The following PLEK variants were observed in gnomAD, a reference collection of about 807,000 sequenced individuals.
PLEK encodes the protein pleckstrin.
In PLEK, 25 loss-of-function variants were observed where a neutral mutation model predicts 43.9. The observed-to-expected ratio is 0.57, with a 90% CI of 0.41 to 0.79. PLEK has a LOEUF of 0.79. Among genes scored for constraint, PLEK ranks in the 30% least tolerant of loss-of-function variants. The pLI, the probability that PLEK is intolerant of heterozygous loss-of-function variation, is 0.00. For synonymous variants in PLEK, 152 were observed against 144.4 expected, an observed-to-expected ratio of 1.05 and a Z score of -0.38; for missense variants, 396 against 413.3, an observed-to-expected ratio of 0.96 and a Z score of 0.36.
intron 1 of PLEK, among the ~76,000 whole-genome samples, chr2:68,368,088 A>G (rs1033243847): frequency 2.0e-5 from 3 of 152,192 alleles, no homozygotes; most frequent in Non-Finnish European, 4.4e-5. Context: ...TCTGTGCAAG[A>G]TGACTGTTGA....
At chr2:68,377,739 G>T (rs1011812879) in intron 1 of PLEK, among the ~76,000 whole-genome samples, 3 of 152,118 alleles carry the variant, frequency 2.0e-5, no homozygotes, top group Non-Finnish European at 4.4e-5. Flanking sequence ...TCACTTCGTT[G>T]CCTGTTTCCT....
At chr2:68,371,085 C>T (rs1056789546) in intron 1 of PLEK, among the ~76,000 whole-genome samples, 1 of 152,128 alleles carries the variant, frequency 6.6e-6, no homozygotes, top group African/African-American at 2.4e-5. Context: ...GGACAGCAGG[C>T]ACCTTGGAAT....
In PLEK at chr2:68,380,706, T is replaced by C. The variant is rs772540380; in HGVS notation, c.199-17T>C. ...TTGAAATAAGCCATTTCTAATGGGA[T>C]GTGTTTTGATTTTCAGTTTGTGTTT... is the stretch of plus-strand genomic sequence containing the variant. On this transcript the variant is annotated splice_polypyrimidine_tract_variant and intron_variant, in intron 2 of 8. Transcript: ENST00000234313. 3 of 1,610,420 alleles carry C rather than the reference T, an allele frequency of 1.9e-6. No homozygotes were observed. In the East Asian group the frequency reaches 6.7e-5, roughly 36 times the overall value.
At chr2:68,392,432 A>G (rs972094772) in intron 6 of PLEK, among the ~76,000 whole-genome samples, 6 of 152,126 alleles carry the variant, frequency 3.9e-5, no homozygotes, top group Non-Finnish European at 7.3e-5. Context: ...TTAAAATGTA[A>G]TTGTAATTCT....
intron 1 of PLEK, among the ~76,000 whole-genome samples, chr2:68,378,720 A>T (rs566142555): frequency 1.3e-5 from 2 of 152,332 alleles, no homozygotes; most frequent in South Asian, 4.1e-4. Flanking sequence ...ATCTTATCCA[A>T]ATTATTTCAT....
chr2:68,378,074 C>T (rs1057223289), intron 1 of PLEK, among the ~76,000 whole-genome samples: 1 of 152,150 alleles, frequency 6.6e-6, no homozygotes, highest in Non-Finnish European at 1.5e-5. Flanking sequence ...GATATATACA[C>T]TGTATAATGT....
At chr2:68,380,589 C>T (rs2103770789) in intron 2 of PLEK, 106 bp downstream of exon 2, 2 of 1,394,026 alleles carry the variant, frequency 1.4e-6, no homozygotes, top group African/African-American at 1.4e-5. Context: ...GTCCCTCTCA[C>T]CACCACCCAC....
chr2:68,379,516 A>G (rs1673570446), intron 1 of PLEK, among the ~76,000 whole-genome samples: 2 of 152,186 alleles, frequency 1.3e-5, no homozygotes, highest in South Asian at 4.1e-4. Flanking sequence ...ACTTCAAAAA[A>G]AGAAAGAACT....
Position 68,382,496 on chromosome 2 carries a change from G to GT in PLEK, c.381-37dup, listed in dbSNP as rs763061886. 1,563 of 1,147,530 alleles carry GT rather than the reference G, an allele frequency of 1.4e-3. 1 individual carries two copies. Among genetic ancestry groups the GT allele is most frequent in the African/African-American group, 4.9e-3 (314 of 64,344 alleles). The allele number at this position is 1,147,530 out of a possible 1,614,324, so 71.1% of individuals were successfully genotyped here. On this transcript the variant is annotated intron_variant, in intron 3 of 8. Transcript: ENST00000234313. ...AAATGTTCCCCACTCATCCAACTGG[G>GT]TTTTTTTTTGTTTGTTTGTTTGTTT...
intron 1 of PLEK, among the ~76,000 whole-genome samples, chr2:68,378,738 G>A (rs1006829997): frequency 1.3e-5 from 2 of 152,162 alleles, no homozygotes; most frequent in Non-Finnish European, 2.9e-5. Flanking sequence ...CATTTCATAT[G>A]TTCTAGAAAT....
chr2:68,382,516 TTGTTTGCTTTTTTATCTCTG>T lies in PLEK; in HGVS notation c.381-23_381-4del, dbSNP rs1558498870. 1 of 1,346,764 alleles carries T rather than the reference TTGTTTGCTTTTTTATCTCTG, an allele frequency of 7.4e-7. No individual in the cohort carries two copies. Among genetic ancestry groups the T allele is most frequent in the South Asian group, 1.2e-5 (1 of 82,940 alleles). 83.4% of individuals were successfully genotyped at this position (1,346,764 alleles called of 1,614,324 possible). On this transcript the variant is annotated splice_polypyrimidine_tract_variant and splice_region_variant and intron_variant, in intron 3 of 8. Coordinates refer to ENST00000234313, the MANE Select transcript of PLEK (RefSeq NM_002664.3). The stretch of plus-strand genomic sequence containing the variant: ...ACTGGGTTTTTTTTTGTTTGTTTGT[TTGTTTGCTTTTTTATCTCTG>T]TGCAGTGCCTTATATTTGTCCATGA...
chr2:68,376,897 C>G (rs1048783165), intron 1 of PLEK, among the ~76,000 whole-genome samples: 1 of 152,042 alleles, frequency 6.6e-6, no homozygotes, highest in Non-Finnish European at 1.5e-5. Context: ...ACCCATTAAC[C>G]ATCCCCACCT....
chr2:68,373,341 G>T (rs1673444813), intron 1 of PLEK, among the ~76,000 whole-genome samples: 1 of 152,072 alleles, frequency 6.6e-6, no homozygotes, highest in Non-Finnish European at 1.5e-5. Flanking sequence ...TAATGACCCT[G>T]AATCCCAAAT....
intron 4 of PLEK, among the ~76,000 whole-genome samples, chr2:68,384,686 T>C (rs1182385258): frequency 2.0e-5 from 3 of 152,174 alleles, no homozygotes; most frequent in East Asian, 3.8e-4. Context: ...AAATGTCCGA[T>C]GACAGGCAGA....
chr2:68,368,315 G>A (rs371412593), intron 1 of PLEK, among the ~76,000 whole-genome samples: 3 of 152,142 alleles, frequency 2.0e-5, no homozygotes, highest in Admixed American at 1.3e-4. Flanking sequence ...GCTGCTATAC[G>A]AACATGACTT....
rs1673977103 is a variant in PLEK at position 68,397,183 on chromosome 2, C to T, written c.*1367C>T. 6.6e-6 allele frequency: 1 copy of T among 152,082 alleles called. No homozygotes were observed. Among genetic ancestry groups the T allele is most frequent in the Non-Finnish European group, 1.5e-5 (1 of 68,014 alleles). 9.4% of individuals were successfully genotyped at this position (152,082 alleles called of 1,614,324 possible). On this transcript the variant is annotated 3_prime_UTR_variant, in exon 9 of 9. Transcript: ENST00000234313. ...ATTCCAGATTTTTAATTTTAAGGCTCCAGGAAAGAAAGGAGAGTAGAACAT... is the reference window on the plus strand; with the variant it reads ...ATTCCAGATTTTTAATTTTAAGGCTTCAGGAAAGAAAGGAGAGTAGAACAT...
Position 68,395,992 on chromosome 2 carries a change from A to G in PLEK, c.*176A>G, listed in dbSNP as rs1185414349. On this transcript the variant is annotated 3_prime_UTR_variant, in exon 9 of 9. Coordinates refer to ENST00000234313, the MANE Select transcript of PLEK (RefSeq NM_002664.3). ...GGTGTGCAAGGTTCCCCTGCATTGT[A>G]TTGCTCACTGCAGCCCCTCTGCCCC... 5 of 619,994 alleles carry G rather than the reference A, an allele frequency of 8.1e-6. No individual in the cohort carries two copies. The highest frequency in any genetic ancestry group is 1.9e-5 in the South Asian group (1 of 52,332). The allele number at this position is 619,994 out of a possible 1,614,324, so 38.4% of individuals were successfully genotyped here. A position where few individuals can be genotyped will look rare whatever the true frequency, so the allele number is the denominator to read the frequency against.
At chr2:68,386,950 C>T (rs914313229) in intron 5 of PLEK, among the ~76,000 whole-genome samples, 2 of 152,030 alleles carry the variant, frequency 1.3e-5, no homozygotes, top group Non-Finnish European at 2.9e-5. Context: ...CTACTGTTTA[C>T]TTGAAAAAAA....
intron 1 of PLEK, among the ~76,000 whole-genome samples, chr2:68,378,993 G>T (rs1446116384): frequency 6.6e-6 from 1 of 152,174 alleles, no homozygotes; most frequent in Non-Finnish European, 1.5e-5. Context: ...TATTAGCTGG[G>T]TGTGGTTGTG....
Sources: allele counts gnomAD v4.1 joint callset (sites outside exome capture counted in the v4.1 genomes callset), GRCh38; gene constraint gnomAD v4.1.1; transcripts MANE v1.5; gene names NCBI Gene and HGNC (gene_info 2026-07-23, HGNC 2026-07-21).